The following PIDD1 variants were observed in gnomAD, a reference collection of about 807,000 sequenced individuals.
The protein encoded by PIDD1 is p53-induced death domain protein 1.
In PIDD1, 72 loss-of-function variants were observed where a neutral mutation model predicts 80.0. The ratio of observed to expected loss-of-function variants is 0.90; its 90% CI spans 0.74 to 1.09. The LOEUF (loss-of-function observed/expected upper bound fraction) is 1.09. PIDD1 is among the 50% of genes least tolerant of loss of function. The probability of loss-of-function intolerance (pLI) is 0.00; values close to 1 mark genes in which losing one functional copy is unlikely to be tolerated. For missense variants in PIDD1, 1,329 were observed against 1,228.3 expected (o/e 1.08, Z -1.23); for synonymous variants, 655 against 543.5 (o/e 1.21, Z -2.85).
intron 5 of PIDD1, 64 bp downstream of exon 5, chr11:802,479 T>C: frequency 1.3e-6 from 2 of 1,599,062 alleles, no homozygotes; most frequent in Middle Eastern, 1.7e-4. Context: ...CTGGAGAAGG[T>C]GTCGGAGGGG....
chr11:804,571 C>T lies in PIDD1; in HGVS notation c.-75-108G>A, dbSNP rs113714037. The T allele has an allele frequency of 4.0e-3, 4,753 of 1,193,916 alleles. 156 individuals are homozygous for T. In the African/African-American group the frequency reaches 0.063, roughly 16 times the overall value. The allele number at this position is 1,193,916 out of a possible 1,614,324, so 74.0% of individuals were successfully genotyped here. A position where few individuals can be genotyped will look rare whatever the true frequency, so the allele number is the denominator to read the frequency against. ...AGCTCTAGAGCCAGGCCATCTGGGC[C>T]TGGGCTGCAGAGTGGGGGAGACCTT... On this transcript the variant is annotated intron_variant, in intron 1 of 15. Coordinates refer to ENST00000347755, the MANE Select transcript of PIDD1 (RefSeq NM_145886.4).
rs1471644246 is a variant in PIDD1 at position 802,767 on chromosome 11, CA to C, written c.833del (p.Leu278ArgfsTer6). On this transcript the variant is annotated frameshift_variant, in exon 4 of 16. Transcript: ENST00000347755. LOFTEE classifies it high-confidence loss of function. ...AGGGGGCGTCTAGCAGCTCAGGGGG[CA>C]GGTCCCGGAGCTGGTTGTCCCTCAG... ...LDLRDNQLRD[L>X]PPELLDAPFV... is the part of the protein sequence containing the mutation. 1.9e-6 allele frequency: 3 copies of C among 1,609,554 alleles called. No homozygotes were observed. Among genetic ancestry groups the C allele is most frequent in the Non-Finnish European group, 2.5e-6 (3 of 1,178,596 alleles).
Position 800,756 on chromosome 11 carries a change from C to G in PIDD1, c.1917+6G>C, listed in dbSNP as rs1219670284. On this transcript the variant is annotated splice_donor_region_variant and intron_variant, in intron 11 of 15. Coordinates refer to ENST00000347755, the MANE Select transcript of PIDD1 (RefSeq NM_145886.4). ...CACCCTGCTGCCCTCCGGCCCGTGCCCCCACCTTGTTTCGGGGCAGGCACT... is the reference window on the plus strand; with the variant it reads ...CACCCTGCTGCCCTCCGGCCCGTGCGCCCACCTTGTTTCGGGGCAGGCACT... The G allele has an allele frequency of 3.0e-5, 47 of 1,546,856 alleles. No individual in the cohort carries two copies. The Admixed American group carries it at 5.0e-4, about 17-fold the overall frequency.
At position 804,473 on chromosome 11, in the gene PIDD1, C is replaced by T. The variant is rs1339322686; in HGVS notation, c.-75-10G>A. The T allele has an allele frequency of 6.7e-7, 1 of 1,492,944 alleles. No individual in the cohort carries two copies. The highest frequency in any genetic ancestry group is 1.4e-5 in the African/African-American group (1 of 71,582). The allele number at this position is 1,492,944 out of a possible 1,614,324, so 92.5% of individuals were successfully genotyped here. The stretch of plus-strand genomic sequence containing the variant: ...GCAGCGCCCGGGGAAGCTGCAGAGG[C>T]AGGAGGAGGAGTGAGCGGGAGCCGG... On this transcript the variant is annotated splice_polypyrimidine_tract_variant and intron_variant, in intron 1 of 15. Coordinates refer to ENST00000347755, the MANE Select transcript of PIDD1 (RefSeq NM_145886.4).
rs201920329 is a variant in PIDD1 at position 801,483 on chromosome 11, G to C, written c.1444C>G (p.Pro482Ala). ...GHPGVKVIFP[P>A]GATEEPRRVS... The stretch of plus-strand genomic sequence containing the variant: ...CGACGAGGCTCCTCAGTGGCCCCAG[G>C]GGGGAAGATGACTTTGACCCCAGGA... Residue 482 changes from proline (P) to alanine (A), a missense_variant, in exon 8 of 16, where the codon CCT becomes GCT. By Grantham distance (27) the Pro-to-Ala change is conservative (BLOSUM62 -1). Transcript: ENST00000347755. 9.6e-4 allele frequency: 1,482 copies of C among 1,546,680 alleles called. 5 individuals carry two copies. The highest frequency in any genetic ancestry group is 1.2e-3 in the Non-Finnish European group (1,386 of 1,144,124).
At chr11:800,960 G>T (rs771208609) in intron 10 of PIDD1, 25 bp downstream of exon 10, 3 of 1,550,182 alleles carry the variant, frequency 1.9e-6, no homozygotes, top group East Asian at 4.5e-5. Context: ...GGGGAGGGGG[G>T]CTGAGAAAGC....
chr11:800,220 G>C lies in PIDD1; in HGVS notation c.2185C>G (p.Pro729Ala), dbSNP rs145874216. 7 of 1,609,938 alleles carry C rather than the reference G, an allele frequency of 4.3e-6. No homozygotes were observed. The African/African-American group carries it at 8.0e-5, about 18-fold the overall frequency. Reference sequence around the variant, plus strand: ...TCAGCCTCCTCGGGCACCCGCACAGGCACCGCGCCACGGTAGAAGGACACC... The same window carrying C: ...TCAGCCTCCTCGGGCACCCGCACAGCCACCGCGCCACGGTAGAAGGACACC... ...GQVSFYRGAV[P>A]VRVPEEAEAA... The change falls in exon 14 of 16, where the codon CCT becomes GCT. Residue 729 changes from proline (P) to alanine (A), a missense_variant. Pro to Ala is a conservative substitution (Grantham distance 27, BLOSUM62 -1). Transcript: ENST00000347755.
At chr11:807,821 C>CA (rs1327379710), upstream of PIDD1, among the ~76,000 whole-genome samples, 1 of 152,176 alleles carries the variant, frequency 6.6e-6, no homozygotes, top group Non-Finnish European at 1.5e-5. Context: ...TGCTGCTCCT[C>CA]AAAGTGTAAA....
In PIDD1 at chr11:804,390, G is replaced by A. The variant is rs370875546; in HGVS notation, c.-2C>T. On this transcript the variant is annotated 5_prime_UTR_variant, in exon 2 of 16. Coordinates refer to ENST00000347755, the MANE Select transcript of PIDD1 (RefSeq NM_145886.4). ...TGGCCCCTCCACCGTTGCAGCCATC[G>A]CCCACCGACGGTCCTTGGAGGCCAG... 17 of 1,583,484 alleles carry A rather than the reference G, an allele frequency of 1.1e-5. No individual in the cohort carries two copies. The highest frequency in any genetic ancestry group is 2.7e-5 in the African/African-American group (2 of 74,354).
rs768526534 is a variant in PIDD1, at chr11:801,384, C to T, written c.1483-19G>A. On this transcript the variant is annotated intron_variant, in intron 8 of 15. Transcript: ENST00000347755. Reference sequence around the variant, plus strand: ...GCACCACCTGGGGCAGACAGGCCCCCTGAGCACCTGCCTGTGGGCTGAGGC... The same window carrying T: ...GCACCACCTGGGGCAGACAGGCCCCTTGAGCACCTGCCTGTGGGCTGAGGC... 6.2e-7 allele frequency: 1 copy of T among 1,601,906 alleles called. No homozygotes were observed. The highest frequency in any genetic ancestry group is 1.1e-5 in the South Asian group (1 of 89,744).
In PIDD1 at chr11:802,530, A is replaced by G. The variant is rs760808784; in HGVS notation, c.974+13T>C. 1.2e-5 allele frequency: 19 copies of G among 1,612,850 alleles called. No individual in the cohort carries two copies. Among genetic ancestry groups the G allele is most frequent in the South Asian group, 2.2e-5 (2 of 90,954 alleles). On this transcript the variant is annotated intron_variant, in intron 5 of 15. Coordinates refer to ENST00000347755, the MANE Select transcript of PIDD1 (RefSeq NM_145886.4). ...GACAGACTCCCCTCCAGCCCCCTCA[A>G]CCCACCCCATACCTGTCCAAATCTG...
intron 14 of PIDD1, 33 bp downstream of exon 14, chr11:800,098 C>A (rs769349871): frequency 6.2e-7 from 1 of 1,604,820 alleles, no homozygotes; most frequent in Non-Finnish European, 8.5e-7. Context: ...GGCCTCGGTC[C>A]TGCCCCGCCC....
At position 799,861 on chromosome 11, in the gene PIDD1, G is replaced by C. The variant is rs781107602; in HGVS notation, c.2428C>G (p.Leu810Val). ...GLDWPAVALH[L>V]GVSYREVQRI... ...TGCACCTCCCGGTAGGACACCCCCA[G>C]GTGCAGGGCCACGGCTGGCCAGTCC... is the stretch of plus-strand genomic sequence containing the variant. The change falls in exon 15 of 16, where the codon CTG (leucine) becomes GTG (valine). Residue 810 changes from leucine (L) to valine (V), a missense_variant. Coordinates refer to ENST00000347755, the MANE Select transcript of PIDD1 (RefSeq NM_145886.4). 1 of 1,609,872 alleles carries C rather than the reference G, an allele frequency of 6.2e-7. No individual in the cohort carries two copies. Among genetic ancestry groups the C allele is most frequent in the Admixed American group, 1.7e-5 (1 of 59,816 alleles).
In PIDD1 at chr11:802,790, T is replaced by C. The variant is rs1286141498; in HGVS notation, c.811A>G (p.Arg271Gly). Residue 271 changes from arginine to glycine, a missense_variant, in exon 4 of 16, where the codon AGG becomes GGG. Transcript: ENST00000347755. Reference protein sequence around the residue: ...RLPLLTRLDLRDNQLRDLPPE... With the variant: ...RLPLLTRLDLGDNQLRDLPPE... ...GGCAGGTCCCGGAGCTGGTTGTCCCTCAGGTCGAGCCGGGTGAGGAGTGGA... is the reference window on the plus strand; with the variant it reads ...GGCAGGTCCCGGAGCTGGTTGTCCCCCAGGTCGAGCCGGGTGAGGAGTGGA... 6.2e-7 allele frequency: 1 copy of C among 1,606,658 alleles called. No homozygotes were observed. The highest frequency in any genetic ancestry group is 1.7e-4 in the Middle Eastern group (1 of 6,052).
Position 799,571 on chromosome 11 carries a change from G to A in PIDD1, c.2475-6C>T, listed in dbSNP as rs137894394. 1.3e-6 allele frequency: 2 copies of A among 1,589,560 alleles called. No homozygotes were observed. The highest frequency in any genetic ancestry group is 1.7e-6 in the Non-Finnish European group (2 of 1,171,960). Reference sequence around the variant, plus strand: ...TCTGCTCATCCAGATCATCCCTGCAGGCAGAGGATGGGCGACAGAGGGGTC... The same window carrying A: ...TCTGCTCATCCAGATCATCCCTGCAAGCAGAGGATGGGCGACAGAGGGGTC... On this transcript the variant is annotated splice_region_variant and splice_polypyrimidine_tract_variant and intron_variant, in intron 15 of 15. Transcript: ENST00000347755.
chr11:804,177 G>A lies in PIDD1; in HGVS notation c.212C>T (p.Thr71Ile). Residue 71 changes from threonine to isoleucine, a missense_variant, in exon 2 of 16, where the codon ACT (threonine) becomes ATT (isoleucine). Thr to Ile is a moderately conservative substitution (Grantham distance 89, BLOSUM62 -1). Coordinates refer to ENST00000347755, the MANE Select transcript of PIDD1 (RefSeq NM_145886.4). ...CTCCAGCAGCTGAGGGTCCTCGTGAGTGCTCAGACGCAAGAATTCCACCTG... is the reference window on the plus strand; with the variant it reads ...CTCCAGCAGCTGAGGGTCCTCGTGAATGCTCAGACGCAAGAATTCCACCTG... ...LLQVEFLRLS[T>I]HEDPQLLEAT... The A allele has an allele frequency of 6.2e-7, 1 of 1,613,378 alleles. No homozygotes were observed. The highest frequency in any genetic ancestry group is 8.5e-7 in the Non-Finnish European group (1 of 1,179,906).
rs1041499604 is a variant in PIDD1 at position 801,966 on chromosome 11, T to TG, written c.1300dup (p.Gln434ProfsTer53). 2.5e-6 allele frequency: 4 copies of TG among 1,599,334 alleles called. No individual in the cohort carries two copies. Among genetic ancestry groups the TG allele is most frequent in the African/African-American group, 1.3e-5 (1 of 74,618 alleles). ...CCGGCAGGCCTGGGTGGCCCTCACCTGGGGTGCCTCTTCCTCCAGGTAGGT... is the reference window on the plus strand; with the variant it reads ...CCGGCAGGCCTGGGTGGCCCTCACCTGGGGGTGCCTCTTCCTCCAGGTAGGT... On this transcript the variant is annotated frameshift_variant and splice_region_variant, in exon 7 of 16. Coordinates refer to ENST00000347755, the MANE Select transcript of PIDD1 (RefSeq NM_145886.4). LOFTEE classifies it high-confidence loss of function.
chr11:800,818 G>A lies in PIDD1; in HGVS notation c.1861C>T (p.Leu621=), dbSNP rs372554952. 2.6e-5 allele frequency: 41 copies of A among 1,562,022 alleles called. 1 individual carries two copies. In the African/African-American group the frequency reaches 3.5e-4, roughly 13 times the overall value. The change falls in exon 11 of 16, where the codon CTG becomes TTG. Residue 621 remains leucine, a synonymous_variant. Transcript: ENST00000347755. The part of the protein sequence containing the change: ...LRLHRVNLIA[L]QRRRDPEQVL... ...TGCTCAGGGTCCCGGCGCCGCTGCA[G>A]AGCGATGAGGTTCACACGGTGCAGC...
chr11:803,532 C>A lies in PIDD1; in HGVS notation c.351G>T (p.Leu117=). ...GGGCCAGGCCACTCAGACCAGCGGG[C>A]AGGTTGGTCAGGGCACCCCGGAGAC... is the stretch of plus-strand genomic sequence containing the variant. The part of the protein sequence containing the change: ...GACLRGALTN[L]PAGLSGLAHL... Residue 117 remains leucine, a synonymous_variant, in exon 3 of 16, where the codon CTG becomes CTT. Coordinates refer to ENST00000347755, the MANE Select transcript of PIDD1 (RefSeq NM_145886.4). 3 of 1,613,090 alleles carry A rather than the reference C, an allele frequency of 1.9e-6. No individual in the cohort carries two copies. Among genetic ancestry groups the A allele is most frequent in the Non-Finnish European group, 2.5e-6 (3 of 1,179,860 alleles).
Sources: gnomAD v4.1 joint callset for allele counts (sites outside exome capture counted in the v4.1 genomes callset) on GRCh38, gnomAD v4.1.1 for gene constraint, MANE v1.5 for transcripts, NCBI Gene and HGNC (gene_info 2026-07-23, HGNC 2026-07-21) for gene names.